The following FAM184A variants were observed in gnomAD, a reference collection of about 807,000 sequenced individuals.
FAM184A encodes the protein family with sequence similarity 184 member A.
FAM184A carries 99 observed loss-of-function variants against 143.8 expected under a neutral mutation model. That is an observed-to-expected ratio of 0.69 (90% CI 0.58 to 0.81). The LOEUF (loss-of-function observed/expected upper bound fraction) is 0.81. Among genes scored for constraint, FAM184A ranks in the 40% least tolerant of loss-of-function variants. The pLI is 0.00. For missense variants in FAM184A, 1,217 were observed against 1,310.5 expected (o/e 0.93, Z 1.10); for synonymous variants, 427 against 446.4 (o/e 0.96, Z 0.55).
intron 1 of FAM184A, chr6:119,069,101 CA>C: frequency 2.8e-6 from 1 of 355,146 alleles, no homozygotes; most frequent in Non-Finnish European, 6.3e-6. Flanking sequence ...AAATAAAGGC[CA>C]AAACCACAAT....
At chr6:119,118,465 A>G (rs1217199569) in intron 1 of FAM184A, among the ~76,000 whole-genome samples, 2 of 152,218 alleles carry the variant, frequency 1.3e-5, no homozygotes, top group African/African-American at 4.8e-5. Context: ...GCGGGAAGTC[A>G]GGGACCCCAA....
At chr6:119,079,769 T>C (rs12214265), upstream of FAM184A, among the ~76,000 whole-genome samples, 6,672 of 152,256 alleles carry the variant, frequency 0.044, 253 homozygotes, top group East Asian at 0.2. Flanking sequence ...TTAACAAAGA[T>C]TGTCTGGATG....
chr6:118,981,738 C>T (rs1784031787), intron 9 of FAM184A, among the ~76,000 whole-genome samples: 1 of 152,118 alleles, frequency 6.6e-6, no homozygotes, highest in South Asian at 2.1e-4. Flanking sequence ...GGGTTCTGGA[C>T]AAAGTTATCA....
intron 1 of FAM184A, among the ~76,000 whole-genome samples, chr6:119,051,697 GA>G (rs1231420548): frequency 6.6e-6 from 1 of 150,576 alleles, no homozygotes; most frequent in Non-Finnish European, 1.5e-5. Flanking sequence ...TGCCAAAAAA[GA>G]AAAAAAAGAA....
intron 14 of FAM184A, among the ~76,000 whole-genome samples, chr6:118,969,994 A>AAAATATG (rs1783633714): frequency 8.1e-5 from 1 of 12,420 alleles, no homozygotes; most frequent in Non-Finnish European, 1.3e-4. Flanking sequence ...TATATATATA[A>AAAATATG]TATATATATA....
At chr6:119,115,481 C>A (rs186266153) in intron 1 of FAM184A, among the ~76,000 whole-genome samples, 25 of 152,274 alleles carry the variant, frequency 1.6e-4, no homozygotes, top group African/African-American at 6.0e-4. Flanking sequence ...AGCTTGAGAC[C>A]AGGAGCTCGA....
chr6:119,029,258 A>AAAGAACC (rs1007729467), intron 1 of FAM184A, among the ~76,000 whole-genome samples: 68 of 152,350 alleles, frequency 4.5e-4, no homozygotes, highest in African/African-American at 1.6e-3. Flanking sequence ...ATGATCTGGG[A>AAAGAACC]AAGAACCAGT....
intron 9 of FAM184A, 35 bp from the exon 10 acceptor site, chr6:118,980,385 T>C (rs759578449): frequency 3.2e-6 from 5 of 1,556,914 alleles, no homozygotes; most frequent in Admixed American, 3.4e-5. Context: ...GAAGAATAAA[T>C]ACAAGGCATA....
rs191256397 is a variant in FAM184A at position 119,115,060 on chromosome 6, C to T, written c.-202+34018G>A. On this transcript the variant is annotated intron_variant, in intron 1 of 16. Coordinates refer to the FAM184A transcript ENST00000352896. The stretch of plus-strand genomic sequence containing the variant: ...GAGAAATATCTATTCAAATCCTTTG[C>T]CAATTTTTCAATTTTTAGATAAATA... Among the ~76,000 whole-genome samples, 81 of 152,184 alleles carry T rather than the reference C, an allele frequency of 5.3e-4. No individual in the cohort carries two copies. In the South Asian group the frequency reaches 0.014, roughly 26 times the overall value.
intron 1 of FAM184A, among the ~76,000 whole-genome samples, chr6:119,145,627 T>TA (rs1339159232): frequency 6.6e-6 from 1 of 152,214 alleles, no homozygotes; most frequent in Non-Finnish European, 1.5e-5. Context: ...AGTCTGCAAA[T>TA]CTTTTAAGGC....
rs936654146 is a variant in FAM184A, at chr6:119,024,879, A to G, written c.160-66T>C. 5 of 1,383,814 alleles carry G rather than the reference A, an allele frequency of 3.6e-6. No individual in the cohort carries two copies. In the African/African-American group the frequency reaches 4.3e-5, roughly 12 times the overall value. 85.7% of individuals were successfully genotyped at this position (1,383,814 alleles called of 1,614,324 possible). A position where few individuals can be genotyped will look rare whatever the true frequency, so the allele number is the denominator to read the frequency against. On this transcript the variant is annotated intron_variant, in intron 1 of 17. Coordinates refer to ENST00000338891, the MANE Select transcript of FAM184A (RefSeq NM_024581.6). ...CATATTATTTTCTAACTTGAAGTCA[A>G]TTCTTTCATTTGGATTGATATTTTT...
At chr6:119,029,321 G>A (rs963959880) in intron 1 of FAM184A, among the ~76,000 whole-genome samples, 2 of 152,202 alleles carry the variant, frequency 1.3e-5, no homozygotes, top group African/African-American at 4.8e-5. Context: ...GGAAATATGT[G>A]AGTTTCCCCT....
chr6:119,095,245 G>A (rs1165184665), intron 1 of FAM184A, among the ~76,000 whole-genome samples: 2 of 152,182 alleles, frequency 1.3e-5, no homozygotes, highest in Admixed American at 6.5e-5. Flanking sequence ...TTCTTACCAG[G>A]ATAACCTTTG....
In FAM184A at chr6:118,979,007, T is replaced by TA. The variant is rs531534613; in HGVS notation, c.2455+357dup. ...CCCATTAAAACAAAATCTTGAAGTG[T>TA]AAAAAACCATATGACCATGCAGTCT... On this transcript the variant is annotated intron_variant, in intron 11 of 17. Coordinates refer to ENST00000338891, the MANE Select transcript of FAM184A (RefSeq NM_024581.6). Among the ~76,000 whole-genome samples, 439 of 152,256 alleles carry TA rather than the reference T, an allele frequency of 2.9e-3. 14 individuals are homozygous for TA. In the South Asian group the frequency reaches 0.073, roughly 25 times the overall value.
intron 9 of FAM184A, among the ~76,000 whole-genome samples, chr6:118,989,261 C>G (rs1049211680): frequency 4.6e-5 from 7 of 151,754 alleles, no homozygotes; most frequent in African/African-American, 1.5e-4. Context: ...CGCGCCCAGC[C>G]TGGACATGAT....
chr6:118,967,066 T>A (rs1783524192), intron 14 of FAM184A, 114 bp from the exon 15 acceptor site: 1 of 555,114 alleles, frequency 1.8e-6, no homozygotes, highest in South Asian at 2.5e-5. Context: ...AAACAAAACT[T>A]CTTTTTTCCT....
At position 119,014,151 on chromosome 6, in the gene FAM184A, A is replaced by G. The variant is rs531477524; in HGVS notation, c.1530+2596T>C. On this transcript the variant is annotated intron_variant, in intron 5 of 17. Coordinates refer to ENST00000338891, the MANE Select transcript of FAM184A (RefSeq NM_024581.6). Reference sequence around the variant, plus strand: ...TGTAGAGAAATCAAACCAAAGTGTCATAAGAATTAGATTTTTTAAAAGATG... The same window carrying G: ...TGTAGAGAAATCAAACCAAAGTGTCGTAAGAATTAGATTTTTTAAAAGATG... 2.9e-3 allele frequency among the ~76,000 whole-genome samples: 438 copies of G among 152,392 alleles called. 3 individuals are homozygous for G. Among genetic ancestry groups the G allele is most frequent in the African/African-American group, 0.01 (428 of 41,592 alleles).
chr6:119,052,796 G>A (rs769611119), intron 1 of FAM184A, among the ~76,000 whole-genome samples: 29 of 152,162 alleles, frequency 1.9e-4, no homozygotes, highest in Non-Finnish European at 2.9e-4. Flanking sequence ...GAGGCTTTGT[G>A]CAAAACACAT....
intron 1 of FAM184A, among the ~76,000 whole-genome samples, chr6:119,116,595 G>A (rs1789069287): frequency 6.6e-6 from 1 of 152,214 alleles, no homozygotes; most frequent in Non-Finnish European, 1.5e-5. Flanking sequence ...GTCTAGTGGA[G>A]GAGAAAAGCA....
Sources: gnomAD v4.1 joint callset for allele counts (sites outside exome capture counted in the v4.1 genomes callset) on GRCh38, gnomAD v4.1.1 for gene constraint, MANE v1.5 for transcripts, NCBI Gene and HGNC (gene_info 2026-07-23, HGNC 2026-07-21) for gene names.